The following EFHD1 variants were observed in gnomAD, a reference collection of about 807,000 sequenced individuals.
EFHD1 encodes the protein EF-hand domain family member D1.
EFHD1 carries 10 observed loss-of-function variants against 17.2 expected under a neutral mutation model. The observed-to-expected ratio is 0.58, with a 90% confidence interval of 0.36 to 0.99. The LOEUF (loss-of-function observed/expected upper bound fraction) is 0.99, where lower values mean the gene tolerates loss of function less well. Ranked by LOEUF, EFHD1 falls within the 50% of genes least tolerant of loss-of-function variation. EFHD1 has a pLI of 0.01. For missense variants in EFHD1, 310 were observed against 327.5 expected (o/e 0.95, Z 0.41); for synonymous variants, 153 against 142.0 (o/e 1.08, Z -0.55).
chr2:232,625,716 C>G (rs963806895), intron 1 of EFHD1, among the ~76,000 whole-genome samples: 10 of 152,242 alleles, frequency 6.6e-5, no homozygotes, highest in Admixed American at 2.0e-4. Context: ...TTTCATAATA[C>G]TAAGACAGTA....
intron 1 of EFHD1, among the ~76,000 whole-genome samples, chr2:232,636,355 C>T (rs560807791): frequency 1.3e-5 from 2 of 152,154 alleles, no homozygotes; most frequent in Non-Finnish European, 2.9e-5. Flanking sequence ...AGCTCTGTGC[C>T]ATCAGTTTTC....
At chr2:232,637,829 T>G (rs980795477) in intron 1 of EFHD1, among the ~76,000 whole-genome samples, 12 of 152,284 alleles carry the variant, frequency 7.9e-5, no homozygotes, top group African/African-American at 2.9e-4. Context: ...GATTTTCCTA[T>G]TTAAAAGTAT....
intron 3 of EFHD1, among the ~76,000 whole-genome samples, chr2:232,673,924 TTTGAGA>T (rs1250309124): frequency 6.6e-6 from 1 of 150,404 alleles, no homozygotes; most frequent in East Asian, 1.9e-4. Flanking sequence ...TTTTTTTTTT[TTTGAGA>T]TTGAGTCTCA....
At chr2:232,645,684 G>A (rs565298544) in intron 1 of EFHD1, among the ~76,000 whole-genome samples, 1 of 152,252 alleles carries the variant, frequency 6.6e-6, no homozygotes, top group South Asian at 2.1e-4. Flanking sequence ...CCACCTAACA[G>A]CCCCACTGAC....
intron 1 of EFHD1, among the ~76,000 whole-genome samples, chr2:232,618,618 G>A (rs992903846): frequency 6.6e-6 from 1 of 151,730 alleles, no homozygotes; most frequent in Non-Finnish European, 1.5e-5. Context: ...AGCTACCCGG[G>A]AGGCTGAGGT....
At chr2:232,668,395 G>A (rs1043467725) in intron 2 of EFHD1, among the ~76,000 whole-genome samples, 2 of 152,130 alleles carry the variant, frequency 1.3e-5, no homozygotes, top group African/African-American at 2.4e-5. Flanking sequence ...GAGTGGATAC[G>A]TCTGGATCTG....
intron 1 of EFHD1, among the ~76,000 whole-genome samples, chr2:232,627,051 TATATATATATATA>T (rs1354553190): frequency 9.4e-6 from 1 of 106,092 alleles, no homozygotes; most frequent in Non-Finnish European, 1.9e-5. Flanking sequence ...TATATATATA[TATATATATATATA>T]TTTTTTTTTT....
At chr2:232,627,362 G>C (rs538945719) in intron 1 of EFHD1, among the ~76,000 whole-genome samples, 23 of 151,922 alleles carry the variant, frequency 1.5e-4, no homozygotes, top group African/African-American at 5.3e-4. Context: ...GTGCAAGACA[G>C]AGCAACAGAT....
At chr2:232,614,781 GC>G (rs1329599028) in intron 1 of EFHD1, among the ~76,000 whole-genome samples, 1 of 152,172 alleles carries the variant, frequency 6.6e-6, no homozygotes, top group Admixed American at 6.6e-5. Flanking sequence ...TTCGAGACCA[GC>G]CTGGGCAACA....
At chr2:232,614,547 A>AG (rs1306720829) in intron 1 of EFHD1, among the ~76,000 whole-genome samples, 10 of 152,246 alleles carry the variant, frequency 6.6e-5, no homozygotes, top group Non-Finnish European at 1.2e-4. Flanking sequence ...AGTGTGTAGT[A>AG]CACGGAACCC....
At position 232,633,896 on chromosome 2, in the gene EFHD1, C is replaced by T. The variant is rs1347943156; in HGVS notation, c.192C>T (p.Asp64=). The change falls in exon 1 of 4, where the codon GAC becomes GAT. Residue 64 remains aspartate, a synonymous_variant. Coordinates refer to ENST00000264059, the MANE Select transcript of EFHD1 (RefSeq NM_025202.4). ...ELSAQLSRRL[D]INEGAARPRR... ...GCGCCCAGCTGAGCCGGCGGCTGGACATCAACGAGGGCGCTGCGCGGCCCC... is the reference window on the plus strand; with the variant it reads ...GCGCCCAGCTGAGCCGGCGGCTGGATATCAACGAGGGCGCTGCGCGGCCCC... The T allele has an allele frequency of 1.3e-6, 2 of 1,568,462 alleles. No individual in the cohort carries two copies. The highest frequency in any genetic ancestry group is 1.7e-6 in the Non-Finnish European group (2 of 1,167,522).
chr2:232,675,631 G>C (rs762071732), intron 3 of EFHD1, among the ~76,000 whole-genome samples: 27 of 152,182 alleles, frequency 1.8e-4, no homozygotes, highest in Non-Finnish European at 2.6e-4. Context: ...TGTTTGAGCA[G>C]GGCCTTGACG....
chr2:232,681,840 C>A lies in EFHD1; in HGVS notation c.*121C>A. The A allele has an allele frequency of 7.1e-7, 1 of 1,413,508 alleles. No individual in the cohort carries two copies. The highest frequency in any genetic ancestry group is 9.4e-7 in the Non-Finnish European group (1 of 1,064,732). 87.6% of individuals were successfully genotyped at this position (1,413,508 alleles called of 1,614,324 possible). ...TGAGCCAGCATCTCCATCCACCACCCCGTGCCAGCTCCCGTGCCAGCCTTC... is the reference window on the plus strand; with the variant it reads ...TGAGCCAGCATCTCCATCCACCACCACGTGCCAGCTCCCGTGCCAGCCTTC... On this transcript the variant is annotated 3_prime_UTR_variant, in exon 4 of 4. Transcript: ENST00000264059.
intron 1 of EFHD1, among the ~76,000 whole-genome samples, chr2:232,661,263 CT>C (rs944376369): frequency 9.2e-5 from 14 of 152,112 alleles, no homozygotes; most frequent in African/African-American, 3.4e-4. Context: ...TCGCCAGAAC[CT>C]TTTTCTCATC....
chr2:232,677,552 A>G (rs1364070878), intron 3 of EFHD1, among the ~76,000 whole-genome samples: 1 of 151,852 alleles, frequency 6.6e-6, no homozygotes, highest in African/African-American at 2.4e-5. Context: ...AGACCCTCTC[A>G]TTACAAAAAC....
intron 1 of EFHD1, among the ~76,000 whole-genome samples, chr2:232,618,650 G>C (rs1051234898): frequency 2.6e-5 from 4 of 151,510 alleles, no homozygotes; most frequent in African/African-American, 9.7e-5. Context: ...TTGAGCCTAG[G>C]AGGTAGAGGC....
chr2:232,654,031 AC>A (rs1694706226), intron 1 of EFHD1, among the ~76,000 whole-genome samples: 1 of 151,916 alleles, frequency 6.6e-6, no homozygotes, highest in South Asian at 2.1e-4. Context: ...ACATGGAGAA[AC>A]CCTGTCTCTA....
At chr2:232,628,673 G>T (rs1694148597), upstream of EFHD1, among the ~76,000 whole-genome samples, 1 of 152,124 alleles carries the variant, frequency 6.6e-6, no homozygotes, top group Non-Finnish European at 1.5e-5. Context: ...ATTCCGCAGG[G>T]ATTTGAGACT....
At chr2:232,661,686 A>G (rs13398679) in intron 1 of EFHD1, 51,479 of 149,698 alleles carry the variant, frequency 0.34, 9,953 homozygotes, top group Middle Eastern at 0.45. Flanking sequence ...CAGCCTCTCG[A>G]GTAGCTGGGA....
Sources: gnomAD v4.1 joint callset for allele counts (sites outside exome capture counted in the v4.1 genomes callset) on GRCh38, gnomAD v4.1.1 for gene constraint, MANE v1.5 for transcripts, NCBI Gene and HGNC (gene_info 2026-07-23, HGNC 2026-07-21) for gene names.